Variants in PAK2 observed in about 807,000 individuals in gnomAD.
The protein encoded by PAK2 is serine/threonine-protein kinase PAK 2.
PAK2 carries 21 observed loss-of-function variants against 65.9 expected under a neutral mutation model. The observed-to-expected ratio is 0.32, with a 90% CI of 0.23 to 0.46. PAK2 has a LOEUF of 0.46. Among genes scored for constraint, PAK2 ranks in the 20% least tolerant of loss-of-function variants. The pLI, the probability that PAK2 is intolerant of heterozygous loss-of-function variation, is 1.00. For synonymous variants in PAK2, 204 were observed against 219.7 expected (o/e 0.93, Z 0.63); for missense variants, 324 against 642.6 (o/e 0.50, Z 5.36).
intron 3 of PAK2, among the ~76,000 whole-genome samples, 175 bp downstream of exon 3, chr3:196,802,202 C>G (rs1477305015): frequency 6.6e-6 from 1 of 151,248 alleles, no homozygotes; most frequent in South Asian, 2.1e-4. Flanking sequence ...AGTTCGAGAC[C>G]AGTGTGGCCA....
At chr3:196,792,180 G>A (rs1715094855) in intron 2 of PAK2, among the ~76,000 whole-genome samples, 1 of 152,180 alleles carries the variant, frequency 6.6e-6, no homozygotes, top group Non-Finnish European at 1.5e-5. Flanking sequence ...AAAGGTGAGG[G>A]AAGTTTCCAA....
At chr3:196,750,665 A>G (rs1411020462) in intron 1 of PAK2, among the ~76,000 whole-genome samples, 1 of 151,576 alleles carries the variant, frequency 6.6e-6, no homozygotes, top group East Asian at 1.9e-4. Context: ...AATTGCGTGT[A>G]GTTTATTTTT....
intron 1 of PAK2, 82 bp from the exon 2 acceptor site, chr3:196,782,544 G>A: frequency 1.6e-6 from 1 of 633,226 alleles, no homozygotes; most frequent in South Asian, 2.2e-5. Context: ...ATTGGGAGTT[G>A]TGGCAGGGGT....
At chr3:196,751,459 C>G (rs1490374231) in intron 1 of PAK2, among the ~76,000 whole-genome samples, 1 of 151,366 alleles carries the variant, frequency 6.6e-6, no homozygotes. Flanking sequence ...ACCAGCCTGG[C>G]CAACATGCTA....
chr3:196,749,444 A>G (rs985428227), intron 1 of PAK2, among the ~76,000 whole-genome samples: 7 of 152,102 alleles, frequency 4.6e-5, no homozygotes, highest in Non-Finnish European at 8.8e-5. Flanking sequence ...CCTAATGGGT[A>G]TTAGGTGGTA....
intron 1 of PAK2, among the ~76,000 whole-genome samples, chr3:196,768,318 A>G (rs1044491211): frequency 6.6e-6 from 1 of 151,894 alleles, no homozygotes; most frequent in Non-Finnish European, 1.5e-5. Context: ...TGCCCAAGAC[A>G]CTATTTTTGG....
intron 10 of PAK2, among the ~76,000 whole-genome samples, chr3:196,814,212 C>CT (rs1420319459): frequency 1.3e-5 from 2 of 152,080 alleles, no homozygotes; most frequent in African/African-American, 4.8e-5. Context: ...TCAGAATGAG[C>CT]TATGTGCATA....
chr3:196,819,738 C>T (rs578001878), intron 12 of PAK2, among the ~76,000 whole-genome samples: 3 of 152,286 alleles, frequency 2.0e-5, no homozygotes, highest in Admixed American at 2.0e-4. Context: ...AGGCATCCTG[C>T]ACCTCCATTA....
chr3:196,796,506 A>G (rs1715264406), intron 2 of PAK2, among the ~76,000 whole-genome samples: 1 of 152,182 alleles, frequency 6.6e-6, no homozygotes, highest in South Asian at 2.1e-4. Context: ...CTAAAGTTAG[A>G]TTGTGATTAT....
intron 1 of PAK2, among the ~76,000 whole-genome samples, chr3:196,779,378 G>A (rs71323748): frequency 0.096 from 14,624 of 152,128 alleles, 894 homozygotes; most frequent in Admixed American, 0.15. Context: ...ACACTACAGC[G>A]TGCTCTGGGC....
chr3:196,752,780 T>C (rs1193484506), intron 1 of PAK2, among the ~76,000 whole-genome samples: 1 of 151,784 alleles, frequency 6.6e-6, no homozygotes, highest in Non-Finnish European at 1.5e-5. Context: ...TTTATATTTT[T>C]AGTAGAGACA....
In PAK2 at chr3:196,831,949, A is replaced by C. The variant is rs1462945594; in HGVS notation, c.*3544A>C. On this transcript the variant is annotated 3_prime_UTR_variant, in exon 15 of 15. Transcript: ENST00000327134. The stretch of plus-strand genomic sequence containing the variant: ...CCACAGTAGGTATTGAAACTGGTAA[A>C]ATCAGTTTTTTGATAGTGTGTGTAT... The C allele has an allele frequency of 2.0e-5, 3 of 152,184 alleles. No individual in the cohort carries two copies. Among genetic ancestry groups the C allele is most frequent in the African/African-American group, 7.2e-5 (3 of 41,456 alleles). 9.4% of individuals were successfully genotyped at this position (152,184 alleles called of 1,614,324 possible).
intron 1 of PAK2, among the ~76,000 whole-genome samples, chr3:196,761,085 G>A (rs546573014): frequency 2.0e-4 from 31 of 151,564 alleles, no homozygotes; most frequent in African/African-American, 3.4e-4. Context: ...AAAATTAGCC[G>A]GGTGTGGTTG....
At chr3:196,753,919 A>G (rs553126165) in intron 1 of PAK2, among the ~76,000 whole-genome samples, 1 of 152,216 alleles carries the variant, frequency 6.6e-6, no homozygotes, top group African/African-American at 2.4e-5. Flanking sequence ...TTTGGTGATT[A>G]CTTTTGTTTC....
chr3:196,824,898 G>A (rs759300163), intron 13 of PAK2, among the ~76,000 whole-genome samples: 1 of 151,838 alleles, frequency 6.6e-6, no homozygotes, highest in Non-Finnish European at 1.5e-5. Flanking sequence ...TAATAGAAGT[G>A]TATCAATATT....
Position 196,831,996 on chromosome 3 carries a change from C to T in PAK2, c.*3591C>T, listed in dbSNP as rs1431077371. Reference sequence around the variant, plus strand: ...GTATATAAGAAAAAATAGATACACACATTCTTTTTTCTCAGTCAACACATT... The same window carrying T: ...GTATATAAGAAAAAATAGATACACATATTCTTTTTTCTCAGTCAACACATT... On this transcript the variant is annotated 3_prime_UTR_variant, in exon 15 of 15. Transcript: ENST00000327134. 1 of 152,300 alleles carries T rather than the reference C, an allele frequency of 6.6e-6. No individual in the cohort carries two copies. Among genetic ancestry groups the T allele is most frequent in the East Asian group, 1.9e-4 (1 of 5,182 alleles). 9.4% of individuals were successfully genotyped at this position (152,300 alleles called of 1,614,324 possible). A position where few individuals can be genotyped will look rare whatever the true frequency, so the allele number is the denominator to read the frequency against.
At chr3:196,796,092 G>A (rs1272868249) in intron 2 of PAK2, among the ~76,000 whole-genome samples, 15 of 152,182 alleles carry the variant, frequency 9.9e-5, no homozygotes, top group Non-Finnish European at 1.8e-4. Flanking sequence ...GGCGGAGCTC[G>A]GGCGGTGATG....
intron 1 of PAK2, among the ~76,000 whole-genome samples, chr3:196,762,100 G>T (rs1245338610): frequency 7.4e-6 from 1 of 135,162 alleles, no homozygotes; most frequent in East Asian, 2.0e-4. Context: ...TCCCAGATGG[G>T]GCGGCGGGGC....
intron 1 of PAK2, among the ~76,000 whole-genome samples, chr3:196,759,355 G>A (rs1713869456): frequency 6.6e-6 from 1 of 151,842 alleles, no homozygotes; most frequent in Non-Finnish European, 1.5e-5. Context: ...TCTGTTTCAG[G>A]TCAGTTTCTC....
Sources: allele counts gnomAD v4.1 joint callset (sites outside exome capture counted in the v4.1 genomes callset), GRCh38; gene constraint gnomAD v4.1.1; transcripts MANE v1.5; gene names NCBI Gene and HGNC (gene_info 2026-07-23, HGNC 2026-07-21).